Variants in QRICH2 observed in about 807,000 individuals in gnomAD.
QRICH2 encodes glutamine-rich protein 2.
QRICH2 carries 119 observed loss-of-function variants against 168.3 expected under a neutral mutation model. The observed-to-expected ratio is 0.71, with a 90% CI of 0.61 to 0.82. The LOEUF is 0.82. Ranked by LOEUF, QRICH2 falls within the 40% of genes least tolerant of loss-of-function variation. QRICH2 has a pLI of 0.00. For synonymous variants in QRICH2, 894 were observed against 951.2 expected (o/e 0.94, Z 1.11); for missense variants, 2,241 against 2,491.6 (o/e 0.90, Z 2.14).
chr17:76,298,570 C>G (rs758850931), intron 3 of QRICH2, among the ~76,000 whole-genome samples: 2 of 152,092 alleles, frequency 1.3e-5, no homozygotes, highest in Non-Finnish European at 2.9e-5. Context: ...CTTCTCCCGC[C>G]TTGACTTTAA....
At chr17:76,276,789 G>T in intron 16 of QRICH2, 22 bp from the exon 17 acceptor site, 1 of 1,579,620 alleles carries the variant, frequency 6.3e-7, no homozygotes. Context: ...AACAGATACC[G>T]TCGCCACTGT....
In QRICH2 at chr17:76,292,005, G is replaced by C; in HGVS notation, c.2722C>G (p.Gln908Glu). 1 of 1,614,226 alleles carries C rather than the reference G, an allele frequency of 6.2e-7. No homozygotes were observed. The highest frequency in any genetic ancestry group is 8.5e-7 in the Non-Finnish European group (1 of 1,180,046). ...QPGLVQPGAG[Q>E]LGMVQPGIGQ... is the part of the protein sequence containing the mutation. ...ATTCCAGGCTGCACCATACCCAGCT[G>C]ACCTGCACCAGGCTGGACCAAACCA... The change falls in exon 4 of 19, where the codon CAG becomes GAG. Residue 908 changes from glutamine to glutamate, a missense_variant. Physicochemically the swap from Gln to Glu is conservative, Grantham distance 29. Coordinates refer to ENST00000680821, the MANE Select transcript of QRICH2 (RefSeq NM_001388453.1).
rs143505119 is a variant in QRICH2 at position 76,282,074 on chromosome 17, G to A, written c.4053C>T (p.Ser1351=). Reference sequence around the variant, plus strand: ...TGCTCATGGACAGGAGCGTGGAGGAGGAGGTCAGCATGCTCTCAATGATCA... The same window carrying A: ...TGCTCATGGACAGGAGCGTGGAGGAAGAGGTCAGCATGCTCTCAATGATCA... ...LRMIIESMLT[S]SSTLLSMSMA... is the part of the protein sequence containing the mutation. Residue 1351 remains serine, a synonymous_variant, in exon 8 of 19, where the codon TCC becomes TCT. Coordinates refer to ENST00000680821, the MANE Select transcript of QRICH2 (RefSeq NM_001388453.1). 2 of 1,611,388 alleles carry A rather than the reference G, an allele frequency of 1.2e-6. No individual in the cohort carries two copies. Among genetic ancestry groups the A allele is most frequent in the African/African-American group, 2.7e-5 (2 of 74,902 alleles).
intron 15 of QRICH2, among the ~76,000 whole-genome samples, chr17:76,277,659 T>C (rs949220419): frequency 3.3e-5 from 5 of 151,260 alleles, no homozygotes; most frequent in African/African-American, 4.9e-5. Flanking sequence ...CTCATACACA[T>C]GCACACACAC....
At position 76,279,739 on chromosome 17, in the gene QRICH2, A is replaced by C. The variant is rs559052394; in HGVS notation, c.4748+294T>G. 1.2e-3 allele frequency among the ~76,000 whole-genome samples: 177 copies of C among 152,252 alleles called. 3 individuals are homozygous for C. Among genetic ancestry groups the C allele is most frequent in the African/African-American group, 4.0e-3 (165 of 41,538 alleles). ...AGGTCCTATGGGCCAGGCCCCCAGG[A>C]GCTGTCTCAGCTCTGGGTACTGAGG... is the stretch of plus-strand genomic sequence containing the variant. On this transcript the variant is annotated intron_variant, in intron 12 of 18. Transcript: ENST00000680821.
intron 1 of QRICH2, among the ~76,000 whole-genome samples, chr17:76,305,789 T>C (rs1253088621): frequency 6.6e-6 from 1 of 152,106 alleles, no homozygotes; most frequent in Non-Finnish European, 1.5e-5. Context: ...ATATTTGGGA[T>C]TAAGAAAAAA....
At chr17:76,275,759 A>T in intron 18 of QRICH2, 60 bp downstream of exon 18, 2 of 1,576,914 alleles carry the variant, frequency 1.3e-6, no homozygotes, top group South Asian at 1.1e-5. Flanking sequence ...TGAGCAGGAA[A>T]GGGGGCCGGC....
intron 2 of QRICH2, 115 bp from the exon 3 acceptor site, chr17:76,304,640 G>C: frequency 1.3e-6 from 1 of 775,812 alleles, no homozygotes; most frequent in Non-Finnish European, 2.2e-6. Context: ...CAGCCCCAGG[G>C]AGAATTCATC....
In QRICH2 at chr17:76,291,265, A is replaced by G. The variant is rs1568116373; in HGVS notation, c.3462T>C (p.Leu1154=). The change falls in exon 4 of 19, where the codon CTT becomes CTC. Residue 1154 remains leucine (L), a synonymous_variant. Coordinates refer to ENST00000680821, the MANE Select transcript of QRICH2 (RefSeq NM_001388453.1). ...AQKAPGQDVT[L]FRSPDSVDRV... ...GGTCGACGGAGTCTGGACTCCTGAA[A>G]AGAGTGACATCTTGGCCTGGGGCCT... 2 of 1,614,206 alleles carry G rather than the reference A, an allele frequency of 1.2e-6. No homozygotes were observed. Among genetic ancestry groups the G allele is most frequent in the Admixed American group, 3.3e-5 (2 of 60,024 alleles).
rs1598479892 is a variant in QRICH2 at position 76,280,719 on chromosome 17, G to C, written c.4396C>G (p.Gln1466Glu). The change falls in exon 10 of 19, where the codon CAG becomes GAG. Residue 1466 changes from glutamine (Q) to glutamate (E), a missense_variant. Physicochemically the swap from Gln to Glu is conservative, Grantham distance 29. Transcript: ENST00000680821. The surrounding 1 kb of genome is among the most constrained non-coding windows in gnomAD (Gnocchi z 7.4). Reference protein sequence around the residue: ...QKQKDIAMLYQGLEKLEKEKA... With the variant: ...QKQKDIAMLYEGLEKLEKEKA... ...TCCTTTTCGAGCTTCTCCAGACCCTGGTACAGCATCTGGGGAGGCCAAGTG... is the reference window on the plus strand; with the variant it reads ...TCCTTTTCGAGCTTCTCCAGACCCTCGTACAGCATCTGGGGAGGCCAAGTG... 1.2e-6 allele frequency: 2 copies of C among 1,614,148 alleles called. No homozygotes were observed. The highest frequency in any genetic ancestry group is 1.7e-6 in the Non-Finnish European group (2 of 1,180,028).
At chr17:76,310,187 G>C (rs2071055712), upstream of QRICH2, 1 of 148,798 alleles carries the variant, frequency 6.7e-6, no homozygotes, top group African/African-American at 2.6e-5. Flanking sequence ...AGTAGGGACA[G>C]GGTTTCACCA....
In QRICH2 at chr17:76,308,012, A is replaced by G. The variant is rs910668188; in HGVS notation, c.-14T>C. 16 of 1,232,334 alleles carry G rather than the reference A, an allele frequency of 1.3e-5. No individual in the cohort carries two copies. The highest frequency in any genetic ancestry group is 3.2e-5 in the East Asian group (1 of 31,666). The allele number at this position is 1,232,334 out of a possible 1,614,324, so 76.3% of individuals were successfully genotyped here. ...CGCGGGCGGCATCGTGGCTGTCAGG[A>G]GCTGTGCGCCGCCGCGGGGCGCCGG... is the stretch of plus-strand genomic sequence containing the variant. On this transcript the variant is annotated 5_prime_UTR_variant, in exon 1 of 19. Transcript: ENST00000680821.
In QRICH2 at chr17:76,289,979, G is replaced by T; in HGVS notation, c.3798+13C>A. The stretch of plus-strand genomic sequence containing the variant: ...AAAAAAAAAAAAGACAAAGTGGGTT[G>T]ACTCTTCCTTACTTTTGCTTTCTCC... On this transcript the variant is annotated intron_variant, in intron 5 of 18. Transcript: ENST00000680821. 3.2e-6 allele frequency: 5 copies of T among 1,543,070 alleles called. No homozygotes were observed. The highest frequency in any genetic ancestry group is 3.6e-6 in the Non-Finnish European group (4 of 1,124,544).
intron 17 of QRICH2, among the ~76,000 whole-genome samples, 199 bp downstream of exon 17, chr17:76,276,481 T>C (rs906053138): frequency 1.3e-5 from 2 of 152,220 alleles, no homozygotes; most frequent in Non-Finnish European, 1.5e-5. Flanking sequence ...TCCCAGCTGA[T>C]GGCTGAGGCT....
intron 18 of QRICH2, among the ~76,000 whole-genome samples, chr17:76,275,273 G>A (rs1338903447): frequency 1.3e-5 from 2 of 152,186 alleles, no homozygotes; most frequent in African/African-American, 4.8e-5. Context: ...GGAGAGGGGA[G>A]AGCCCTTGTC....
At chr17:76,284,661 A>ATTTT (rs763346750) in intron 7 of QRICH2, among the ~76,000 whole-genome samples, 3 of 151,704 alleles carry the variant, frequency 2.0e-5, no homozygotes, top group Non-Finnish European at 4.4e-5. Flanking sequence ...TACTGAAAAT[A>ATTTT]CAAAAAATTA....
At chr17:76,305,165 C>CTTTTTTTTT (rs371179936) in intron 1 of QRICH2, among the ~76,000 whole-genome samples, 5 of 130,004 alleles carry the variant, frequency 3.8e-5, no homozygotes, top group South Asian at 2.4e-4. Flanking sequence ...TTTTGGTTTC[C>CTTTTTTTTT]TTTTTTTTTT....
Position 76,308,172 on chromosome 17 carries a change from G to C in QRICH2, c.-174C>G. 1 of 985,412 alleles carries C rather than the reference G, an allele frequency of 1.0e-6. No individual in the cohort carries two copies. The highest frequency in any genetic ancestry group is 1.1e-4 in the East Asian group (1 of 8,812). 61.0% of individuals were successfully genotyped at this position (985,412 alleles called of 1,614,324 possible). On this transcript the variant is annotated 5_prime_UTR_variant, in exon 1 of 19. Coordinates refer to ENST00000680821, the MANE Select transcript of QRICH2 (RefSeq NM_001388453.1). ...CTGCCTCCAGGGAATCTGCGCCTCC[G>C]CTCCCCGGCGGGGTCCGCGATGGCC...
chr17:76,296,409 C>G (rs1050290800), intron 3 of QRICH2, among the ~76,000 whole-genome samples: 13 of 152,114 alleles, frequency 8.5e-5, no homozygotes, highest in Non-Finnish European at 1.6e-4. Context: ...GAGGTGGAGT[C>G]TGGCAGACTC....
Sources: allele counts gnomAD v4.1 joint callset (sites outside exome capture counted in the v4.1 genomes callset), GRCh38; gene constraint gnomAD v4.1.1; non-coding constraint Gnocchi (gnomAD v3.1); transcripts MANE v1.5; gene names NCBI Gene and HGNC (gene_info 2026-07-23, HGNC 2026-07-21).